Variants in STAMBPL1 observed in about 807,000 individuals in gnomAD.
STAMBPL1 encodes the protein AMSH-like protease.
Under a neutral mutation model 52.9 loss-of-function variants are expected in STAMBPL1, and 44 were observed. That is an observed-to-expected ratio of 0.83 (90% CI 0.65 to 1.07). STAMBPL1 has a LOEUF of 1.07. STAMBPL1 is among the 50% of genes least tolerant of loss of function. STAMBPL1 has a pLI of 0.00. For synonymous variants in STAMBPL1, 164 were observed against 177.3 expected (o/e 0.92, Z 0.60); for missense variants, 511 against 520.8 (o/e 0.98, Z 0.18).
chr10:88,881,156 C>G (rs1844396154), intron 1 of STAMBPL1, among the ~76,000 whole-genome samples: 1 of 152,136 alleles, frequency 6.6e-6, no homozygotes, highest in South Asian at 2.1e-4. Flanking sequence ...TTATGAGCGA[C>G]TAAGACATTG....
At chr10:88,900,485 A>C (rs1038477731) in intron 1 of STAMBPL1, among the ~76,000 whole-genome samples, 2 of 152,228 alleles carry the variant, frequency 1.3e-5, no homozygotes, top group African/African-American at 2.4e-5. Flanking sequence ...TCTGAGCCTC[A>C]GTTGTCTCAA....
chr10:88,919,592 G>A (rs181257433), intron 8 of STAMBPL1, among the ~76,000 whole-genome samples: 3 of 152,106 alleles, frequency 2.0e-5, no homozygotes, highest in African/African-American at 4.8e-5. Flanking sequence ...AATTTCTCAC[G>A]AAGACATAGA....
At chr10:88,886,451 A>G (rs1273799286) in intron 1 of STAMBPL1, among the ~76,000 whole-genome samples, 2 of 152,224 alleles carry the variant, frequency 1.3e-5, no homozygotes, top group Non-Finnish European at 2.9e-5. Context: ...AATTCTTTTT[A>G]AAGAAACATT....
intron 1 of STAMBPL1, among the ~76,000 whole-genome samples, chr10:88,892,353 CGTGTGTGTGT>C (rs5786841): frequency 6.7e-6 from 1 of 148,908 alleles, no homozygotes; most frequent in African/African-American, 2.5e-5. Flanking sequence ...TGTGCGTGTG[CGTGTGTGTGT>C]GTGTGTGTGT....
intron 1 of STAMBPL1, among the ~76,000 whole-genome samples, chr10:88,896,806 G>T (rs766516795): frequency 6.6e-6 from 1 of 151,808 alleles, no homozygotes; most frequent in African/African-American, 2.4e-5. Flanking sequence ...GATGAAAATG[G>T]GTCAGGATTC....
intron 1 of STAMBPL1, among the ~76,000 whole-genome samples, chr10:88,899,296 C>T (rs1203072094): frequency 6.6e-6 from 1 of 152,084 alleles, no homozygotes; most frequent in African/African-American, 2.4e-5. Flanking sequence ...AATGACTGGG[C>T]CATATCTGAC....
chr10:88,905,454 T>TA lies in STAMBPL1; in HGVS notation c.42_43insA (p.Ala15SerfsTer4). On this transcript the variant is annotated frameshift_variant, in exon 3 of 11. Transcript: ENST00000371926. LOFTEE classifies it high-confidence loss of function. ...ATTTTGCTTTGCAGAAAAAGTTAGC[T>TA]GCTATGCCTGACCATACAGATGTTT... The TA allele has an allele frequency of 6.2e-7, 1 of 1,614,026 alleles. No individual in the cohort carries two copies. Among genetic ancestry groups the TA allele is most frequent in the Non-Finnish European group, 8.5e-7 (1 of 1,179,942 alleles).
At chr10:88,891,229 A>G (rs1477896087) in intron 1 of STAMBPL1, among the ~76,000 whole-genome samples, 1 of 152,244 alleles carries the variant, frequency 6.6e-6, no homozygotes, top group Non-Finnish European at 1.5e-5. Flanking sequence ...ATATTTTAAA[A>G]TTGTTTATGA....
At chr10:88,916,420 T>A (rs559929143) in intron 7 of STAMBPL1, among the ~76,000 whole-genome samples, 228 of 151,498 alleles carry the variant, frequency 1.5e-3, no homozygotes, top group Non-Finnish European at 2.7e-3. Context: ...TTATGTTTTC[T>A]ATTGTGAAAC....
chr10:88,881,229 G>A (rs1844398463), intron 1 of STAMBPL1, among the ~76,000 whole-genome samples: 1 of 152,108 alleles, frequency 6.6e-6, no homozygotes, highest in South Asian at 2.1e-4. Context: ...CAAAGAAATG[G>A]AATGTCTCCA....
intron 1 of STAMBPL1, among the ~76,000 whole-genome samples, chr10:88,897,222 G>T (rs1460765093): frequency 6.6e-6 from 1 of 152,182 alleles, no homozygotes. Context: ...GGGCACAGTC[G>T]ACTGCTCAGT....
In STAMBPL1 at chr10:88,891,992, A is replaced by G. The variant is rs548275557; in HGVS notation, c.-53-9664A>G. Among the ~76,000 whole-genome samples, 4 of 152,242 alleles carry G rather than the reference A, an allele frequency of 2.6e-5. No homozygotes were observed. In the East Asian group the frequency reaches 7.7e-4, roughly 29 times the overall value. On this transcript the variant is annotated intron_variant, in intron 1 of 10. Transcript: ENST00000371926. ...ATGGATGGAGGACATTTGAAGGTAC[A>G]ATGCTAAAGCTCAAATTAAGCTGAA...
chr10:88,923,062 G>T (rs574953046), intron 10 of STAMBPL1, 106 bp from the exon 11 acceptor site: 2 of 757,840 alleles, frequency 2.6e-6, no homozygotes, highest in African/African-American at 1.8e-5. Flanking sequence ...TAAAAATCAG[G>T]AACAAATTAA....
At position 88,908,406 on chromosome 10, in the gene STAMBPL1, G is replaced by T. The variant is rs2231784; in HGVS notation, c.249-296G>T. On this transcript the variant is annotated intron_variant, in intron 3 of 10. Transcript: ENST00000371926. Reference sequence around the variant, plus strand: ...CAGCAGTATGCTAAAGTAAGGTGGTGCTCTTTTGGGGCTAAGCATGCAGTA... The same window carrying T: ...CAGCAGTATGCTAAAGTAAGGTGGTTCTCTTTTGGGGCTAAGCATGCAGTA... Among the ~76,000 whole-genome samples the T allele has an allele frequency of 6.6e-4, 100 of 152,260 alleles. 1 individual carries two copies. In the East Asian group the frequency reaches 0.013, roughly 19 times the overall value.
intron 1 of STAMBPL1, among the ~76,000 whole-genome samples, chr10:88,898,838 T>C (rs1040597776): frequency 3.3e-5 from 5 of 152,232 alleles, no homozygotes; most frequent in African/African-American, 1.2e-4. Flanking sequence ...GATAAAGTGC[T>C]AGATATTTAC....
At chr10:88,901,518 G>T in intron 1 of STAMBPL1, 138 bp from the exon 2 acceptor site, 1 of 415,762 alleles carries the variant, frequency 2.4e-6, no homozygotes, top group Non-Finnish European at 4.3e-6. Flanking sequence ...ATTTCCAACA[G>T]TCTCTCTAAA....
At position 88,913,136 on chromosome 10, in the gene STAMBPL1, G is replaced by C. The variant is rs1845268312; in HGVS notation, c.456G>C (p.Glu152Asp). Residue 152 changes from glutamate to aspartate, a missense_variant, in exon 6 of 11, where the codon GAG becomes GAC. This residue lies in a region of STAMBPL1 where 358 missense variants were observed against 343.5 expected (regional missense o/e 1.04). Transcript: ENST00000371926. ...AAGCTGAAATTCTCAAAAAATTGGAGCATCAGAGATTGATAGAGGCAGAAA... is the reference window on the plus strand; with the variant it reads ...AAGCTGAAATTCTCAAAAAATTGGACCATCAGAGATTGATAGAGGCAGAAA... ...KYKAEILKKL[E>D]HQRLIEAERK... 1.2e-6 allele frequency: 2 copies of C among 1,606,248 alleles called. No individual in the cohort carries two copies. Among genetic ancestry groups the C allele is most frequent in the Non-Finnish European group, 8.5e-7 (1 of 1,176,478 alleles).
chr10:88,921,899 G>A (rs1845522126), intron 9 of STAMBPL1, among the ~76,000 whole-genome samples: 1 of 152,168 alleles, frequency 6.6e-6, no homozygotes, highest in Non-Finnish European at 1.5e-5. Context: ...GGGGATGGAT[G>A]TAAAGATGAA....
At chr10:88,896,209 G>A (rs1844806956) in intron 1 of STAMBPL1, among the ~76,000 whole-genome samples, 1 of 152,136 alleles carries the variant, frequency 6.6e-6, no homozygotes, top group Non-Finnish European at 1.5e-5. Flanking sequence ...ATTTCTGATT[G>A]CAGATATTAT....
Sources: allele counts gnomAD v4.1 joint callset (sites outside exome capture counted in the v4.1 genomes callset), GRCh38; gene constraint gnomAD v4.1.1; regional missense constraint gnomAD v4.1.1; transcripts MANE v1.5; gene names NCBI Gene and HGNC (gene_info 2026-07-23, HGNC 2026-07-21).